BANP: variants seen among roughly 807,000 people sequenced by gnomAD.
The protein encoded by BANP is protein BANP.
Under a neutral mutation model 68.1 loss-of-function variants are expected in BANP, and 11 were observed. The ratio of observed to expected loss-of-function variants is 0.16; its 90% CI spans 0.10 to 0.27. BANP has a LOEUF of 0.27. Ranked by LOEUF, BANP falls within the 10% of genes least tolerant of loss-of-function variation. The pLI, the probability that BANP is intolerant of heterozygous loss-of-function variation, is 1.00. For missense variants in BANP, 504 were observed against 722.7 expected (o/e 0.70, Z 3.47); for synonymous variants, 329 against 303.2 (o/e 1.09, Z -0.88).
chr16:88,028,498 T>C (rs898802892), intron 8 of BANP, among the ~76,000 whole-genome samples: 1 of 152,204 alleles, frequency 6.6e-6, no homozygotes, highest in Non-Finnish European at 1.5e-5. Context: ...CGGCCTCAGC[T>C]GCTGCCCAGG....
intron 6 of BANP, among the ~76,000 whole-genome samples, chr16:88,013,210 C>G (rs1026431497): frequency 6.6e-6 from 1 of 152,244 alleles, no homozygotes; most frequent in African/African-American, 2.4e-5. Context: ...CAGGGTCATT[C>G]ACTTCTGGAG....
intron 1 of BANP, among the ~76,000 whole-genome samples, chr16:87,961,408 CA>C (rs201910597): frequency 5.1e-5 from 4 of 78,808 alleles, no homozygotes; most frequent in African/African-American, 1.4e-4. Context: ...ACAGAATCTG[CA>C]CCCCCCCGGG....
intron 1 of BANP, among the ~76,000 whole-genome samples, chr16:87,954,634 T>C (rs2057683420): frequency 6.6e-6 from 1 of 152,200 alleles, no homozygotes; most frequent in Non-Finnish European, 1.5e-5. Flanking sequence ...GGGAGTTAGC[T>C]CTCCTGTGCG....
At chr16:87,983,457 G>C (rs11639761) in intron 3 of BANP, among the ~76,000 whole-genome samples, 102,412 of 152,088 alleles carry the variant, frequency 0.67, 35,387 homozygotes, top group African/African-American at 0.8. Context: ...TCCGGCACGT[G>C]ACTGCTCACT....
chr16:87,975,044 G>T lies in BANP; in HGVS notation c.-68-4G>T, dbSNP rs2061766683. 2 of 1,318,704 alleles carry T rather than the reference G, an allele frequency of 1.5e-6. No individual in the cohort carries two copies. The highest frequency in any genetic ancestry group is 3.5e-5 in the Admixed American group (2 of 57,884). The allele number at this position is 1,318,704 out of a possible 1,614,324, so 81.7% of individuals were successfully genotyped here. On this transcript the variant is annotated splice_polypyrimidine_tract_variant and splice_region_variant and intron_variant, in intron 1 of 13. Transcript: ENST00000682872. Reference sequence around the variant, plus strand: ...TCTCCTCCTCCTTTGCTTCTGTTTGGTAGGTGACCAAAAGCCAGCCCCACT... The same window carrying T: ...TCTCCTCCTCCTTTGCTTCTGTTTGTTAGGTGACCAAAAGCCAGCCCCACT...
intron 4 of BANP, among the ~76,000 whole-genome samples, chr16:87,989,110 A>G (rs887969485): frequency 6.6e-6 from 1 of 152,246 alleles, no homozygotes; most frequent in East Asian, 1.9e-4. Context: ...GAACAAAGAA[A>G]AGAAAAAGAA....
At chr16:88,066,115 A>T (rs1293234472) in intron 12 of BANP, among the ~76,000 whole-genome samples, 2 of 152,174 alleles carry the variant, frequency 1.3e-5, no homozygotes, top group Non-Finnish European at 2.9e-5. Flanking sequence ...CTCAGGGCAG[A>T]CGGGGCTTCT....
intron 4 of BANP, among the ~76,000 whole-genome samples, chr16:87,987,928 G>C (rs1233973416): frequency 6.6e-6 from 1 of 151,790 alleles, no homozygotes; most frequent in African/African-American, 2.4e-5. Context: ...ACTATGCTTG[G>C]CTAATTTTTG....
Position 88,003,202 on chromosome 16 carries a change from G to A in BANP, c.363-1093G>A, listed in dbSNP as rs1324836573. ...TAGGTGTCACCAATAACAAGTAGAG[G>A]AATTTAAAAAATAATATTTTTGAAT... On this transcript the variant is annotated intron_variant, in intron 4 of 13. Transcript: ENST00000682872. The surrounding 1 kb of genome is among the most constrained non-coding windows in gnomAD (Gnocchi z 6.1). Among the ~76,000 whole-genome samples the A allele has an allele frequency of 6.6e-6, 1 of 152,200 alleles. No homozygotes were observed. Among genetic ancestry groups the A allele is most frequent in the Non-Finnish European group, 1.5e-5 (1 of 68,034 alleles).
intron 3 of BANP, among the ~76,000 whole-genome samples, chr16:87,983,288 T>A (rs572445976): frequency 7.2e-5 from 11 of 152,320 alleles, no homozygotes; most frequent in Non-Finnish European, 1.5e-4. Flanking sequence ...TGTCTGCTGG[T>A]GAGACCTGGT....
Position 88,002,508 on chromosome 16 carries a change from G to C in BANP, c.363-1787G>C, listed in dbSNP as rs2069695279. On this transcript the variant is annotated intron_variant, in intron 4 of 13. Transcript: ENST00000682872. The surrounding 1 kb of genome is among the most constrained non-coding windows in gnomAD (Gnocchi z 4.6). ...AGGTGGGAAAAGGGCTTTGTGGAAG[G>C]GAACACACACATTGAGATACTCGCT... Among the ~76,000 whole-genome samples the C allele has an allele frequency of 1.3e-5, 2 of 152,074 alleles. No homozygotes were observed. The highest frequency in any genetic ancestry group is 6.5e-5 in the Admixed American group (1 of 15,268).
chr16:87,954,663 C>T lies in BANP; in HGVS notation c.-69+3148C>T, dbSNP rs138273739. Among the ~76,000 whole-genome samples the T allele has an allele frequency of 1.1e-4, 16 of 152,342 alleles. No individual in the cohort carries two copies. The South Asian group carries it at 1.4e-3, about 14-fold the overall frequency. ...CTGTGCGGGACCGACTTGGCAGGTGCGGGTTTGGCCTGCCCGCAGGGCTCT... is the reference window on the plus strand; with the variant it reads ...CTGTGCGGGACCGACTTGGCAGGTGTGGGTTTGGCCTGCCCGCAGGGCTCT... On this transcript the variant is annotated intron_variant, in intron 1 of 13. Coordinates refer to ENST00000682872, the MANE Select transcript of BANP (RefSeq NM_001386991.1).
At chr16:87,987,292 T>C (rs1184953744) in intron 4 of BANP, among the ~76,000 whole-genome samples, 2 of 152,204 alleles carry the variant, frequency 1.3e-5, no homozygotes, top group Non-Finnish European at 2.9e-5. Flanking sequence ...TTAGCCAGGC[T>C]GGTCTTGAAC....
At chr16:88,054,923 G>C (rs2084606233) in intron 11 of BANP, among the ~76,000 whole-genome samples, 1 of 152,182 alleles carries the variant, frequency 6.6e-6, no homozygotes, top group African/African-American at 2.4e-5. Context: ...ACCAAACTCT[G>C]TTCCTAGGGG....
At chr16:88,022,708 G>A (rs1181171055) in intron 7 of BANP, among the ~76,000 whole-genome samples, 1 of 152,202 alleles carries the variant, frequency 6.6e-6, no homozygotes, top group African/African-American at 2.4e-5. Context: ...TGGGATGAAG[G>A]TGTGGGCAGG....
At chr16:87,965,500 C>G (rs546900120) in intron 1 of BANP, among the ~76,000 whole-genome samples, 26 of 151,692 alleles carry the variant, frequency 1.7e-4, no homozygotes, top group African/African-American at 6.0e-4. Context: ...GGCACATGCC[C>G]GAGGAGGCAG....
intron 11 of BANP, among the ~76,000 whole-genome samples, chr16:88,051,125 C>T (rs537428956): frequency 4.1e-4 from 62 of 152,368 alleles, no homozygotes; most frequent in African/African-American, 1.3e-3. Context: ...CCGCAGCACC[C>T]GGGTCCCTCC....
intron 11 of BANP, among the ~76,000 whole-genome samples, chr16:88,043,881 AC>A (rs2081365800): frequency 6.9e-6 from 1 of 144,202 alleles, no homozygotes; most frequent in South Asian, 2.3e-4. Flanking sequence ...ATTCTGAAAA[AC>A]AAAAAAAGCC....
chr16:87,992,366 C>T (rs907649405), intron 4 of BANP, among the ~76,000 whole-genome samples: 6 of 152,148 alleles, frequency 3.9e-5, no homozygotes, highest in African/African-American at 7.2e-5. Context: ...ACCTCAGCAA[C>T]GGAGCTGGGA....
Sources: gnomAD v4.1 joint callset for allele counts (sites outside exome capture counted in the v4.1 genomes callset) on GRCh38, gnomAD v4.1.1 for gene constraint, Gnocchi (gnomAD v3.1) non-coding constraint, MANE v1.5 for transcripts, NCBI Gene and HGNC (gene_info 2026-07-23, HGNC 2026-07-21) for gene names.